REV3L: variants seen among roughly 807,000 people sequenced by gnomAD.
REV3L encodes the protein REV3 like, DNA directed polymerase zeta catalytic subunit.
Under a neutral mutation model 299.4 loss-of-function variants are expected in REV3L, and 69 were observed. The ratio of observed to expected loss-of-function variants is 0.23; its 90% CI spans 0.19 to 0.28. The LOEUF is 0.28. Ranked by LOEUF, REV3L falls within the 10% of genes least tolerant of loss-of-function variation. The probability of loss-of-function intolerance (pLI) is 1.00; values close to 1 mark genes in which losing one functional copy is unlikely to be tolerated. For synonymous variants in REV3L, 1,238 were observed against 1,271.4 expected, an observed-to-expected ratio of 0.97 and a Z score of 0.56; for missense variants, 3,128 against 3,693.8, an observed-to-expected ratio of 0.85 and a Z score of 3.97.
intron 1 of REV3L, among the ~76,000 whole-genome samples, chr6:111,465,571 T>C (rs1366777107): frequency 6.6e-6 from 1 of 151,054 alleles, no homozygotes; most frequent in Non-Finnish European, 1.5e-5. Flanking sequence ...CCATCTCTTC[T>C]AAAAATTCAA....
chr6:111,482,637 G>A (rs1331835060), intron 1 of REV3L, 113 bp downstream of exon 1: 8 of 559,232 alleles, frequency 1.4e-5, no homozygotes, highest in African/African-American at 4.1e-5. Flanking sequence ...AGACGCGGCA[G>A]CGATCCACGG....
intron 7 of REV3L, among the ~76,000 whole-genome samples, chr6:111,388,633 A>C (rs1034728198): frequency 4.6e-5 from 7 of 152,216 alleles, no homozygotes; most frequent in Non-Finnish European, 1.0e-4. Flanking sequence ...TTTAGCAATA[A>C]ATGTTTCTTT....
chr6:111,442,642 T>A (rs1447666062), intron 1 of REV3L, among the ~76,000 whole-genome samples: 2 of 152,212 alleles, frequency 1.3e-5, no homozygotes, highest in Non-Finnish European at 2.9e-5. Context: ...GGTTATGTTT[T>A]GCCATTTTGT....
chr6:111,367,125 T>C lies in REV3L; in HGVS notation c.6663A>G (p.Pro2221=), dbSNP rs1451434595. ...ERLPEAPGLS[P]LSTEPKTQKL... is the part of the protein sequence containing the mutation. The stretch of plus-strand genomic sequence containing the variant: ...TATTTGTACACTTACCTGTTGATAA[T>C]GGGCTAAGGCCAGGTGCTTCAGGAA... The change falls in exon 14 of 32, where the codon CCA becomes CCG. Residue 2221 remains proline (P), a synonymous_variant. Transcript: ENST00000368802. The C allele has an allele frequency of 3.8e-6, 6 of 1,577,024 alleles. No individual in the cohort carries two copies. The highest frequency in any genetic ancestry group is 5.1e-6 in the Non-Finnish European group (6 of 1,166,414).
rs1793982351 is a variant in REV3L, at chr6:111,483,153, C to T, written c.-265G>A. 4.1e-6 allele frequency: 2 copies of T among 488,810 alleles called. No individual in the cohort carries two copies. Among genetic ancestry groups the T allele is most frequent in the Non-Finnish European group, 7.1e-6 (2 of 282,310 alleles). 30.3% of individuals were successfully genotyped at this position (488,810 alleles called of 1,614,324 possible). A position where few individuals can be genotyped will look rare whatever the true frequency, so the allele number is the denominator to read the frequency against. ...CTGGTGCTGCCGCCACTGCCGCCACCGCCGGGAATCACACGGGCTCCTCGG... is the reference window on the plus strand; with the variant it reads ...CTGGTGCTGCCGCCACTGCCGCCACTGCCGGGAATCACACGGGCTCCTCGG... On this transcript the variant is annotated 5_prime_UTR_variant, in exon 1 of 32. Coordinates refer to ENST00000368802, the MANE Select transcript of REV3L (RefSeq NM_001372078.1).
At position 111,367,815 on chromosome 6, in the gene REV3L, T is replaced by C; in HGVS notation, c.5973A>G (p.Lys1991=). Residue 1991 remains lysine (K), a synonymous_variant, in exon 14 of 32, where the codon AAA becomes AAG. Transcript: ENST00000368802. The part of the protein sequence containing the change: ...SNSPKMVEDK[K]IVIMPCKCAP... ...CACATTTGCAAGGCATAATCACAAT[T>C]TTTTTATCTTCAACCATCTTAGGGC... The C allele has an allele frequency of 6.2e-7, 1 of 1,614,066 alleles. No individual in the cohort carries two copies. Among genetic ancestry groups the C allele is most frequent in the Non-Finnish European group, 8.5e-7 (1 of 1,179,990 alleles).
At chr6:111,434,227 A>G (rs1050360949) in intron 1 of REV3L, among the ~76,000 whole-genome samples, 6 of 152,144 alleles carry the variant, frequency 3.9e-5, no homozygotes, top group African/African-American at 1.4e-4. Context: ...AGAGTATCCA[A>G]ATTGGAAAGG....
intron 15 of REV3L, among the ~76,000 whole-genome samples, chr6:111,364,431 T>C (rs1408758255): frequency 6.6e-6 from 1 of 152,056 alleles, no homozygotes; most frequent in Non-Finnish European, 1.5e-5. Flanking sequence ...TAAAACAATG[T>C]AATCTTCAAA....
chr6:111,360,470 C>CTTTT (rs71021836), intron 16 of REV3L, among the ~76,000 whole-genome samples: 6 of 129,538 alleles, frequency 4.6e-5, no homozygotes, highest in African/African-American at 1.6e-4. Flanking sequence ...GTTAAATAAT[C>CTTTT]TTTTTTTTTT....
At chr6:111,347,124 G>A (rs571271717) in intron 20 of REV3L, among the ~76,000 whole-genome samples, 1 of 152,080 alleles carries the variant, frequency 6.6e-6, no homozygotes, top group Non-Finnish European at 1.5e-5. Context: ...ACAAAAATTA[G>A]CCAGGTGTGG....
intron 1 of REV3L, among the ~76,000 whole-genome samples, chr6:111,458,204 C>G (rs1790365191): frequency 6.6e-6 from 1 of 152,060 alleles, no homozygotes; most frequent in Non-Finnish European, 1.5e-5. Flanking sequence ...ATGACCATCT[C>G]AATAGATGCA....
Position 111,374,510 on chromosome 6 carries a change from A to T in REV3L, c.3845T>A (p.Leu1282Gln). 1 of 1,614,082 alleles carries T rather than the reference A, an allele frequency of 6.2e-7. No individual in the cohort carries two copies. The highest frequency in any genetic ancestry group is 8.5e-7 in the Non-Finnish European group (1 of 1,179,950). ...SAVDHPLSASLPTGINAQQKL... is the reference protein window; with the variant it reads ...SAVDHPLSASQPTGINAQQKL... ...CTGTTGTGCATTAATTCCAGTGGGTAGGGAAGCAGAAAGGGGATGATCTAC... is the reference window on the plus strand; with the variant it reads ...CTGTTGTGCATTAATTCCAGTGGGTTGGGAAGCAGAAAGGGGATGATCTAC... Residue 1282 changes from leucine to glutamine, a missense_variant, in exon 13 of 32, where the codon CTA (leucine) becomes CAA (glutamine). Physicochemically the swap from Leu to Gln is moderately radical, Grantham distance 113 (BLOSUM62 -2). Coordinates refer to ENST00000368802, the MANE Select transcript of REV3L (RefSeq NM_001372078.1).
At chr6:111,431,819 C>T (rs1277507836) in intron 1 of REV3L, 3 of 584,472 alleles carry the variant, frequency 5.1e-6, no homozygotes, top group Non-Finnish European at 9.3e-6. Context: ...TATGTACATA[C>T]TTTTTCATTC....
intron 3 of REV3L, 52 bp from the exon 4 acceptor site, chr6:111,405,682 A>C: frequency 8.2e-7 from 1 of 1,221,268 alleles, no homozygotes; most frequent in Non-Finnish European, 1.2e-6. Context: ...CTAAAATGTT[A>C]AATGAAACAA....
At chr6:111,422,634 A>ATATATATATATATACG (rs1785611748) in intron 1 of REV3L, among the ~76,000 whole-genome samples, 1 of 16,570 alleles carries the variant, frequency 6.0e-5, no homozygotes, top group African/African-American at 1.3e-4. Context: ...ATATATACAC[A>ATATATATATATATACG]TATATATATA....
At chr6:111,337,784 T>C (rs932846761) in intron 21 of REV3L, among the ~76,000 whole-genome samples, 2 of 152,174 alleles carry the variant, frequency 1.3e-5, no homozygotes, top group African/African-American at 2.4e-5. Flanking sequence ...AACTGCAAAG[T>C]GTAAATCTGA....
At chr6:111,391,467 G>T (rs956674743) in intron 5 of REV3L, among the ~76,000 whole-genome samples, 2 of 152,104 alleles carry the variant, frequency 1.3e-5, no homozygotes, top group Non-Finnish European at 2.9e-5. Flanking sequence ...CATGTTAGTT[G>T]TTAAACCACA....
chr6:111,300,478 C>CTT (rs746914559), intron 31 of REV3L, among the ~76,000 whole-genome samples: 2 of 152,212 alleles, frequency 1.3e-5, no homozygotes, highest in Non-Finnish European at 2.9e-5. Flanking sequence ...CTTACATGAA[C>CTT]TATAAACACG....
chr6:111,358,842 T>C lies in REV3L; in HGVS notation c.7052A>G (p.Asp2351Gly), dbSNP rs780222523. ...ELTGVIVIDK[D>G]KTVFSQDIRY... ...AATACCTTGACTGAAAACTGTCTTG[T>C]CTTTATCAATCACTATTACACCTGT... The change falls in exon 17 of 32, where the codon GAC (aspartate) becomes GGC (glycine). Residue 2351 changes from aspartate to glycine, a missense_variant. By Grantham distance (94) the Asp-to-Gly change is moderately conservative (BLOSUM62 -1). This residue lies in a region of REV3L where 82 missense variants were observed against 142.7 expected (regional missense o/e 0.57). Transcript: ENST00000368802. 2 of 1,612,066 alleles carry C rather than the reference T, an allele frequency of 1.2e-6. No homozygotes were observed. The highest frequency in any genetic ancestry group is 2.7e-5 in the African/African-American group (2 of 74,892).
Sources: allele counts gnomAD v4.1 joint callset (sites outside exome capture counted in the v4.1 genomes callset), GRCh38; gene constraint gnomAD v4.1.1; regional missense constraint gnomAD v4.1.1; transcripts MANE v1.5; gene names NCBI Gene and HGNC (gene_info 2026-07-23, HGNC 2026-07-21).